Variants in FAM169A observed in about 807,000 individuals in gnomAD.
The protein encoded by FAM169A is soluble lamin-associated protein of 75 kDa.
FAM169A carries 24 observed loss-of-function variants against 75.7 expected under a neutral mutation model. The observed-to-expected ratio is 0.32, with a 90% CI of 0.23 to 0.45. The LOEUF is 0.45. FAM169A is among the 20% of genes least tolerant of loss of function. The probability of loss-of-function intolerance (pLI) is 1.00; values close to 1 mark genes in which losing one functional copy is unlikely to be tolerated. For missense variants in FAM169A, 673 were observed against 784.0 expected (o/e 0.86, Z 1.69); for synonymous variants, 271 against 271.0 (o/e 1.00, Z 0.00).
intron 1 of FAM169A, among the ~76,000 whole-genome samples, chr5:74,846,582 C>T (rs1441491726): frequency 6.6e-6 from 1 of 152,138 alleles, no homozygotes; most frequent in African/African-American, 2.4e-5. Flanking sequence ...GGAGAAAATT[C>T]TATTAAATAA....
rs1036624494 is a variant in FAM169A at position 74,866,299 on chromosome 5, G to A, written c.-138C>T. On this transcript the variant is annotated 5_prime_UTR_variant, in exon 1 of 13. Coordinates refer to ENST00000687041, the MANE Select transcript of FAM169A (RefSeq NM_001376049.1). ...GCACAGCTCGCGGCTGCCAGGGCGA[G>A]TGCGGCTGCCTCCCGCTCGCCCCGG... The A allele has an allele frequency of 6.1e-6, 6 of 984,124 alleles. No individual in the cohort carries two copies. Among genetic ancestry groups the A allele is most frequent in the Non-Finnish European group, 7.2e-6 (6 of 829,336 alleles). 61.0% of individuals were successfully genotyped at this position (984,124 alleles called of 1,614,324 possible).
intron 10 of FAM169A, among the ~76,000 whole-genome samples, chr5:74,800,663 CAA>C (rs1746524923): frequency 1.3e-5 from 2 of 151,814 alleles, no homozygotes; most frequent in Non-Finnish European, 2.9e-5. Context: ...ACTCCTACAC[CAA>C]AGTCATCTGC....
At chr5:74,840,605 G>A (rs951011366) in intron 2 of FAM169A, among the ~76,000 whole-genome samples, 7 of 150,934 alleles carry the variant, frequency 4.6e-5, no homozygotes, top group Admixed American at 2.0e-4. Context: ...CAAGGCGGGC[G>A]GATCACAAGG....
intron 1 of FAM169A, among the ~76,000 whole-genome samples, chr5:74,844,426 T>G (rs1024226633): frequency 2.0e-5 from 3 of 151,670 alleles, no homozygotes; most frequent in Non-Finnish European, 2.9e-5. Flanking sequence ...CGTGCCAGCC[T>G]GGGTAACACA....
chr5:74,836,883 G>A (rs1046028905), intron 4 of FAM169A, among the ~76,000 whole-genome samples: 2 of 151,790 alleles, frequency 1.3e-5, no homozygotes, highest in Non-Finnish European at 2.9e-5. Context: ...GGGAGGCAGA[G>A]GTTGCAGTGA....
At chr5:74,838,567 T>C (rs901961391) in intron 4 of FAM169A, among the ~76,000 whole-genome samples, 1 of 152,176 alleles carries the variant, frequency 6.6e-6, no homozygotes. Flanking sequence ...GTCATTCCAC[T>C]GTTAGGAACA....
At chr5:74,833,061 G>C (rs937071703) in intron 5 of FAM169A, among the ~76,000 whole-genome samples, 2 of 152,028 alleles carry the variant, frequency 1.3e-5, no homozygotes, top group Non-Finnish European at 2.9e-5. Context: ...ATACTGATCA[G>C]AAACACTAAA....
At chr5:74,815,867 A>G (rs945948611) in intron 5 of FAM169A, among the ~76,000 whole-genome samples, 1 of 152,216 alleles carries the variant, frequency 6.6e-6, no homozygotes, top group African/African-American at 2.4e-5. Flanking sequence ...TCAGGAAGTT[A>G]CCCAATATGG....
intron 10 of FAM169A, among the ~76,000 whole-genome samples, chr5:74,797,748 A>G (rs1038123358): frequency 2.0e-5 from 3 of 152,238 alleles, no homozygotes; most frequent in Non-Finnish European, 2.9e-5. Context: ...ATCACTGCAG[A>G]AAGTTCTATT....
intron 1 of FAM169A, among the ~76,000 whole-genome samples, chr5:74,863,023 TA>T (rs10634527): frequency 0.22 from 27,334 of 126,470 alleles, 2,954 homozygotes; most frequent in Non-Finnish European, 0.28. Flanking sequence ...TGTATTCATT[TA>T]AAAAAAAAAA....
intron 5 of FAM169A, among the ~76,000 whole-genome samples, chr5:74,828,673 G>A (rs1287734834): frequency 6.6e-6 from 1 of 152,188 alleles, no homozygotes; most frequent in Non-Finnish European, 1.5e-5. Flanking sequence ...TAAATGTGGT[G>A]CTTCCTGCCT....
In FAM169A at chr5:74,785,029, A is replaced by G. The variant is rs192368602; in HGVS notation, c.1261-1895T>C. Among the ~76,000 whole-genome samples, 3 of 152,240 alleles carry G rather than the reference A, an allele frequency of 2.0e-5. No homozygotes were observed. In the East Asian group the frequency reaches 5.8e-4, roughly 29 times the overall value. ...TACAATATAATCTTAACTTTTTAAA[A>G]GTGAAAAAAAGGCCAGGCACCGTGG... is the stretch of plus-strand genomic sequence containing the variant. On this transcript the variant is annotated intron_variant, in intron 11 of 12. Transcript: ENST00000687041.
Position 74,834,435 on chromosome 5 carries a change from T to TAAACCC in FAM169A, c.480_481insGGGTTT (p.Val160_Lys161insGlyPhe). On this transcript the variant is annotated inframe_insertion, in exon 5 of 13. Coordinates refer to ENST00000687041, the MANE Select transcript of FAM169A (RefSeq NM_001376049.1). ...ACTTTTAAAGACTCACCTGTAGGCTTAACTGAATAAAACCCAATGGCCTCT... is the reference window on the plus strand; with the variant it reads ...ACTTTTAAAGACTCACCTGTAGGCTTAAACCCAACTGAATAAAACCCAATGGCCTCT... The TAAACCC allele has an allele frequency of 6.6e-7, 1 of 1,512,632 alleles. No individual in the cohort carries two copies. The highest frequency in any genetic ancestry group is 8.9e-7 in the Non-Finnish European group (1 of 1,126,446). The allele number at this position is 1,512,632 out of a possible 1,614,324, so 93.7% of individuals were successfully genotyped here.
intron 5 of FAM169A, among the ~76,000 whole-genome samples, chr5:74,830,493 C>G (rs1223188188): frequency 6.6e-6 from 1 of 152,014 alleles, no homozygotes; most frequent in Admixed American, 6.6e-5. Context: ...ACTAACTATC[C>G]CAGTGGATTG....
At chr5:74,852,328 C>G (rs1749486519) in intron 1 of FAM169A, among the ~76,000 whole-genome samples, 1 of 152,138 alleles carries the variant, frequency 6.6e-6, no homozygotes, top group Admixed American at 6.6e-5. Context: ...GCCTCATTAA[C>G]CTGCTTGTGC....
At chr5:74,848,509 T>C (rs1306745810) in intron 1 of FAM169A, 2 of 152,184 alleles carry the variant, frequency 1.3e-5, no homozygotes, top group East Asian at 1.9e-4. Flanking sequence ...ATAACGATTA[T>C]ATTATTAAAT....
At chr5:74,799,971 A>C (rs1746477867) in intron 10 of FAM169A, 2 of 808,514 alleles carry the variant, frequency 2.5e-6, no homozygotes, top group South Asian at 2.7e-5. Context: ...CCAGAATAGC[A>C]TCACTCAAGT....
chr5:74,854,562 C>A (rs1561326936), intron 1 of FAM169A, among the ~76,000 whole-genome samples: 1 of 152,096 alleles, frequency 6.6e-6, no homozygotes, highest in African/African-American at 2.4e-5. Context: ...TTCAATCTAA[C>A]TATGTTTTTG....
chr5:74,846,899 C>T (rs988035405), intron 1 of FAM169A, among the ~76,000 whole-genome samples: 11 of 152,232 alleles, frequency 7.2e-5, no homozygotes, highest in African/African-American at 2.6e-4. Context: ...TATACAGGCC[C>T]ACCCTACTAC....
Sources: gnomAD v4.1 joint callset for allele counts (sites outside exome capture counted in the v4.1 genomes callset) on GRCh38, gnomAD v4.1.1 for gene constraint, MANE v1.5 for transcripts, NCBI Gene and HGNC (gene_info 2026-07-23, HGNC 2026-07-21) for gene names.